The following PVT1 variants were observed in gnomAD, a reference collection of about 807,000 sequenced individuals.
PVT1 encodes the protein CXCR4/PVT1 fusion.
Position 128,060,991 on chromosome 8 carries a change from C to T in PVT1, n.913-9169C>T, listed in dbSNP as rs185991715. Among the ~76,000 whole-genome samples, 202 of 150,468 alleles carry T rather than the reference C, an allele frequency of 1.3e-3. 1 individual carries two copies. The highest frequency in any genetic ancestry group is 4.7e-3 in the African/African-American group (191 of 40,786). The stretch of plus-strand genomic sequence containing the variant: ...GTGGCGTGATCTCGGCTCACTGCAA[C>T]CTCCACCTCCCAGGTTCAAGTGATT... On this transcript the variant is annotated intron_variant and non_coding_transcript_variant, in intron 4 of 10. Coordinates refer to ENST00000651587, the Ensembl canonical transcript of PVT1.
At chr8:127,907,217 C>G (rs149789221) in intron 3 of PVT1, among the ~76,000 whole-genome samples, 61 of 151,996 alleles carry the variant, frequency 4.0e-4, no homozygotes, top group African/African-American at 1.4e-3. Flanking sequence ...AATCTGCCAG[C>G]CTCGGCCTCC....
At chr8:127,804,689 C>T (rs1231341655) in intron 2 of PVT1, among the ~76,000 whole-genome samples, 8 of 150,062 alleles carry the variant, frequency 5.3e-5, no homozygotes, top group East Asian at 2.0e-4. Flanking sequence ...CCACCGTGCC[C>T]GGCTAAATTT....
At chr8:127,987,664 G>A (rs1290964413) in intron 3 of PVT1, among the ~76,000 whole-genome samples, 1 of 152,220 alleles carries the variant, frequency 6.6e-6, no homozygotes, top group Non-Finnish European at 1.5e-5. Context: ...TCAAGTTTGA[G>A]TACTTGTTCA....
intron 2 of PVT1, among the ~76,000 whole-genome samples, chr8:127,878,767 C>G (rs1815432566): frequency 6.6e-6 from 1 of 152,240 alleles, no homozygotes; most frequent in African/African-American, 2.4e-5. Context: ...CAGTGCCCAT[C>G]AGCGAGAAAT....
chr8:128,083,451 C>T (rs1001531784), intron 5 of PVT1, among the ~76,000 whole-genome samples: 1 of 152,224 alleles, frequency 6.6e-6, no homozygotes. Flanking sequence ...CCCCTAAAAT[C>T]TGTCTCAAAG....
intron 3 of PVT1, among the ~76,000 whole-genome samples, chr8:127,909,388 C>T (rs1266094831): frequency 1.3e-5 from 2 of 152,026 alleles, no homozygotes; most frequent in South Asian, 2.1e-4. Context: ...TGATGCATCT[C>T]GAGAGAGAGA....
intron 2 of PVT1, chr8:127,803,158 TCC>T (rs1473223244): frequency 1.5e-5 from 2 of 136,034 alleles, no homozygotes; most frequent in Non-Finnish European, 3.1e-5. Flanking sequence ...AGACGGAGTC[TCC>T]TTCTGTCGCC....
rs116397768 is a variant in PVT1, at chr8:128,045,273, C to T, written n.913-24887C>T. ...GCCGACCAACTCTACTCCTTGACTCCTCCCTTCTCTCATTGAAAAAAAATG... is the reference window on the plus strand; with the variant it reads ...GCCGACCAACTCTACTCCTTGACTCTTCCCTTCTCTCATTGAAAAAAAATG... On this transcript the variant is annotated intron_variant and non_coding_transcript_variant, in intron 4 of 10. Coordinates refer to ENST00000651587, the Ensembl canonical transcript of PVT1. 3.7e-3 allele frequency among the ~76,000 whole-genome samples: 557 copies of T among 152,206 alleles called. 4 individuals carry two copies. Among genetic ancestry groups the T allele is most frequent in the African/African-American group, 0.013 (539 of 41,502 alleles).
intron 3 of PVT1, among the ~76,000 whole-genome samples, chr8:127,929,164 C>T (rs77525354): frequency 0.029 from 4,330 of 150,094 alleles, 93 homozygotes; most frequent in African/African-American, 0.054. Flanking sequence ...TCTTTTTAAG[C>T]TGAACTCTGA....
intron 4 of PVT1, among the ~76,000 whole-genome samples, chr8:128,008,307 G>T (rs564211207): frequency 6.6e-6 from 1 of 152,338 alleles, no homozygotes. Flanking sequence ...GAAGGGAGAT[G>T]TGAGAACAAA....
At chr8:128,046,578 T>C (rs568282473) in intron 4 of PVT1, among the ~76,000 whole-genome samples, 1 of 152,326 alleles carries the variant, frequency 6.6e-6, no homozygotes, top group East Asian at 1.9e-4. Context: ...TGTCATTCTG[T>C]TGCTCTGGAG....
At chr8:128,087,458 G>A (rs1356105680) in intron 5 of PVT1, among the ~76,000 whole-genome samples, 2 of 152,090 alleles carry the variant, frequency 1.3e-5, no homozygotes, top group Non-Finnish European at 1.5e-5. Flanking sequence ...CAGGCATCTG[G>A]CAATAATGTG....
At chr8:127,886,621 AT>A (rs35641991) in intron 2 of PVT1, among the ~76,000 whole-genome samples, 28,334 of 149,998 alleles carry the variant, frequency 0.19, 3,499 homozygotes, top group African/African-American at 0.32. Context: ...ATTGTTTCAG[AT>A]TTTTTTTTTA....
At chr8:128,021,118 C>T (rs954542243) in intron 4 of PVT1, among the ~76,000 whole-genome samples, 4 of 152,044 alleles carry the variant, frequency 2.6e-5, no homozygotes, top group Admixed American at 2.6e-4. Flanking sequence ...TTCAAACTGC[C>T]TCCAGATGCA....
chr8:127,843,950 C>T (rs1448159750), intron 2 of PVT1, among the ~76,000 whole-genome samples: 1 of 151,920 alleles, frequency 6.6e-6, no homozygotes, highest in African/African-American at 2.4e-5. Flanking sequence ...TGGGGAGCCT[C>T]CTAGCCTCTG....
chr8:127,968,002 A>G (rs1403223332), intron 3 of PVT1, among the ~76,000 whole-genome samples: 1 of 152,168 alleles, frequency 6.6e-6, no homozygotes, highest in Non-Finnish European at 1.5e-5. Flanking sequence ...ACTCATTCCT[A>G]TTCGGTGCTG....
At position 127,984,871 on chromosome 8, in the gene PVT1, T is replaced by TTCTTTCTTTC. The variant is rs1554602085; in HGVS notation, n.783-4289_783-4280dup. On this transcript the variant is annotated intron_variant and non_coding_transcript_variant, in intron 3 of 10. Coordinates refer to ENST00000651587, the Ensembl canonical transcript of PVT1. Reference sequence around the variant, plus strand: ...TTTCTTTCTTTCTTTCTTTCTTTCTTTCTTTCTTTCTTTCTTTCTTTCTTT... The same window carrying TTCTTTCTTTC: ...TTTCTTTCTTTCTTTCTTTCTTTCTTTCTTTCTTTCTCTTTCTTTCTTTCTTTCTTTCTTT... Among the ~76,000 whole-genome samples, 234 of 81,108 alleles carry TTCTTTCTTTC rather than the reference T, an allele frequency of 2.9e-3. 2 individuals are homozygous for TTCTTTCTTTC. The highest frequency in any genetic ancestry group is 9.2e-3 in the South Asian group (16 of 1,732). 53.2% of individuals were successfully genotyped at this position (81,108 alleles called of 152,430 possible).
chr8:128,016,291 G>T (rs530009728), intron 4 of PVT1, among the ~76,000 whole-genome samples: 2 of 151,554 alleles, frequency 1.3e-5, no homozygotes, highest in Non-Finnish European at 2.9e-5. Flanking sequence ...AAAAAAAAAG[G>T]GGGCGAGGAT....
intron 4 of PVT1, among the ~76,000 whole-genome samples, chr8:127,990,216 G>A (rs1228566370): frequency 1.3e-5 from 2 of 152,122 alleles, no homozygotes. Context: ...CCCCTGGACG[G>A]CAGCGGGCTA....
Sources: allele counts gnomAD v4.1 joint callset (sites outside exome capture counted in the v4.1 genomes callset), GRCh38; gene constraint gnomAD v4.1.1; transcripts MANE v1.5; gene names NCBI Gene and HGNC (gene_info 2026-07-23, HGNC 2026-07-21).